Variants in NRXN3 observed in about 807,000 individuals in gnomAD.
NRXN3 encodes the protein neurexin 3.
Under a neutral mutation model 137.6 loss-of-function variants are expected in NRXN3, and 32 were observed. The observed-to-expected ratio is 0.23, with a 90% CI of 0.18 to 0.31. The LOEUF (loss-of-function observed/expected upper bound fraction) is 0.31, where lower values mean the gene tolerates loss of function less well. NRXN3 is among the 10% of genes least tolerant of loss of function. The pLI is 1.00. For synonymous variants in NRXN3, 798 were observed against 784.5 expected, an observed-to-expected ratio of 1.02 and a Z score of -0.29; for missense variants, 1,574 against 2,062.5, an observed-to-expected ratio of 0.76 and a Z score of 4.59.
chr14:79,611,087 A>G (rs1403977505), intron 16 of NRXN3, among the ~76,000 whole-genome samples: 1 of 152,162 alleles, frequency 6.6e-6, no homozygotes, highest in Non-Finnish European at 1.5e-5. Flanking sequence ...TGGAAAGTCA[A>G]ATTCAGGATG....
At chr14:78,286,160 T>A (rs1450604756) in intron 3 of NRXN3, among the ~76,000 whole-genome samples, 1 of 152,164 alleles carries the variant, frequency 6.6e-6, no homozygotes, top group African/African-American at 2.4e-5. Flanking sequence ...GAGTTTTAGC[T>A]GGAAAAATCA....
chr14:79,401,257 C>T (rs895052152), intron 15 of NRXN3, among the ~76,000 whole-genome samples: 18 of 152,314 alleles, frequency 1.2e-4, no homozygotes, highest in Middle Eastern at 3.4e-3. Flanking sequence ...GTCATTACCC[C>T]TGGCCTGAAT....
At chr14:79,607,927 T>C (rs767701962) in intron 16 of NRXN3, among the ~76,000 whole-genome samples, 10 of 152,080 alleles carry the variant, frequency 6.6e-5, no homozygotes, top group Non-Finnish European at 1.0e-4. Flanking sequence ...AGCCTCAGTC[T>C]CCCAAAAGTG....
chr14:79,590,416 TAAAAAAAAA>T (rs11419735), intron 16 of NRXN3, among the ~76,000 whole-genome samples: 3 of 92,272 alleles, frequency 3.3e-5, no homozygotes, highest in Admixed American at 2.3e-4. Context: ...TTTCTTTTGT[TAAAAAAAAA>T]AAAAAAAAAA....
intron 15 of NRXN3, among the ~76,000 whole-genome samples, chr14:79,322,580 A>G (rs1010945974): frequency 8.5e-5 from 13 of 152,334 alleles, no homozygotes; most frequent in African/African-American, 3.1e-4. Flanking sequence ...TAATTTCTCA[A>G]GGTCATGGGA....
At chr14:79,609,622 T>C (rs1368507897) in intron 16 of NRXN3, among the ~76,000 whole-genome samples, 6 of 152,222 alleles carry the variant, frequency 3.9e-5, no homozygotes, top group African/African-American at 1.4e-4. Flanking sequence ...GCATCCCTTA[T>C]TGATCCCTAT....
intron 15 of NRXN3, among the ~76,000 whole-genome samples, chr14:79,394,719 T>A (rs2094961760): frequency 6.6e-6 from 1 of 152,224 alleles, no homozygotes; most frequent in Non-Finnish European, 1.5e-5. Context: ...GTAAATATTA[T>A]ATCAATACCA....
chr14:79,026,936 T>TAA (rs1555676007), intron 15 of NRXN3, among the ~76,000 whole-genome samples: 1,666 of 133,944 alleles, frequency 0.012, 51 homozygotes, highest in South Asian at 0.037. Context: ...TATATATATA[T>TAA]AACTATTATA....
chr14:79,622,125 G>GAA (rs1265017117), intron 16 of NRXN3, among the ~76,000 whole-genome samples: 1 of 152,138 alleles, frequency 6.6e-6, no homozygotes, highest in Admixed American at 6.5e-5. Context: ...AGAGCAACGT[G>GAA]AAAGGATTTT....
At chr14:79,005,304 G>A (rs1335818192) in intron 15 of NRXN3, among the ~76,000 whole-genome samples, 1 of 152,180 alleles carries the variant, frequency 6.6e-6, no homozygotes, top group Non-Finnish European at 1.5e-5. Context: ...AAAAAGTCAT[G>A]TACTTGGCAA....
At chr14:78,685,403 C>T (rs1224336590) in intron 6 of NRXN3, among the ~76,000 whole-genome samples, 2 of 152,070 alleles carry the variant, frequency 1.3e-5, no homozygotes, top group Non-Finnish European at 2.9e-5. Flanking sequence ...CCTATAAGAC[C>T]TTGTACAATC....
chr14:78,611,329 T>G (rs763933399), intron 4 of NRXN3, among the ~76,000 whole-genome samples: 1 of 152,204 alleles, frequency 6.6e-6, no homozygotes, highest in Non-Finnish European at 1.5e-5. Flanking sequence ...CCGTTCTTTT[T>G]GTTCCCTCAT....
chr14:78,813,038 CT>C (rs2098919382), intron 10 of NRXN3, among the ~76,000 whole-genome samples: 1 of 148,776 alleles, frequency 6.7e-6, no homozygotes, highest in African/African-American at 2.5e-5. Flanking sequence ...CATTTTTTTT[CT>C]GAAGCTAATT....
rs142571245 is a variant in NRXN3 at position 78,843,945 on chromosome 14, C to T, written c.2275+33601C>T. ...GTGTCACAGAAAGGGTGTCTGAAGA[C>T]ATGGTGCATCTGTTTCCTGTGGCTT... On this transcript the variant is annotated intron_variant, in intron 10 of 20. Coordinates refer to ENST00000335750, the MANE Select transcript of NRXN3 (RefSeq NM_001330195.2). Among the ~76,000 whole-genome samples, 938 of 152,196 alleles carry T rather than the reference C, an allele frequency of 6.2e-3. 7 individuals carry two copies. Among genetic ancestry groups the T allele is most frequent in the African/African-American group, 0.022 (898 of 41,536 alleles).
At chr14:79,271,444 T>C (rs79570458) in intron 15 of NRXN3, among the ~76,000 whole-genome samples, 5,201 of 143,716 alleles carry the variant, frequency 0.036, 166 homozygotes, top group South Asian at 0.1. Flanking sequence ...TTTCCCCTTT[T>C]TTTCCCTTCC....
intron 16 of NRXN3, among the ~76,000 whole-genome samples, chr14:79,627,758 G>A (rs1011025986): frequency 4.6e-5 from 7 of 152,122 alleles, no homozygotes; most frequent in African/African-American, 7.2e-5. Flanking sequence ...AACTCATGAG[G>A]TTGCTAGGGA....
At chr14:78,358,060 A>T (rs2153602184) in intron 4 of NRXN3, among the ~76,000 whole-genome samples, 1 of 152,258 alleles carries the variant, frequency 6.6e-6, no homozygotes, top group Non-Finnish European at 1.5e-5. Context: ...AGGACAGAAA[A>T]CATGAGTTCC....
intron 4 of NRXN3, among the ~76,000 whole-genome samples, chr14:78,427,179 A>G (rs777781724): frequency 6.6e-6 from 1 of 152,052 alleles, no homozygotes; most frequent in Non-Finnish European, 1.5e-5. Flanking sequence ...AGGCAAAGCT[A>G]TTTTCTCTAG....
intron 15 of NRXN3, among the ~76,000 whole-genome samples, chr14:79,021,429 A>C (rs1183113743): frequency 6.6e-6 from 1 of 152,210 alleles, no homozygotes; most frequent in East Asian, 1.9e-4. Context: ...CATTTTAATA[A>C]GCTTCAATTA....
Sources: allele counts gnomAD v4.1 joint callset (sites outside exome capture counted in the v4.1 genomes callset), GRCh38; gene constraint gnomAD v4.1.1; transcripts MANE v1.5; gene names NCBI Gene and HGNC (gene_info 2026-07-23, HGNC 2026-07-21).